The following NVL variants were observed in gnomAD, a reference collection of about 807,000 sequenced individuals.
The protein encoded by NVL is nuclear valosin-containing protein-like.
NVL carries 84 observed loss-of-function variants against 110.2 expected under a neutral mutation model. The ratio of observed to expected loss-of-function variants is 0.76; its 90% CI spans 0.64 to 0.91. The LOEUF (loss-of-function observed/expected upper bound fraction) is 0.91, where lower values mean the gene tolerates loss of function less well. Ranked by LOEUF, NVL falls within the 40% of genes least tolerant of loss-of-function variation. NVL has a pLI of 0.00. For missense variants in NVL, 882 were observed against 1,035.9 expected, an observed-to-expected ratio of 0.85 and a Z score of 2.04; for synonymous variants, 354 against 361.1, an observed-to-expected ratio of 0.98 and a Z score of 0.22.
chr1:224,309,595 A>C (rs1669312159), intron 5 of NVL, among the ~76,000 whole-genome samples: 1 of 152,194 alleles, frequency 6.6e-6, no homozygotes, highest in East Asian at 1.9e-4. Flanking sequence ...AGCAAATTAT[A>C]AATAATTTGA....
chr1:224,238,120 A>G (rs986348960), intron 19 of NVL, among the ~76,000 whole-genome samples: 44 of 150,722 alleles, frequency 2.9e-4, no homozygotes, highest in Admixed American at 1.5e-3. Flanking sequence ...TGCAACCTCC[A>G]CCTCCCGGGC....
At chr1:224,280,365 G>C (rs1359344994) in intron 16 of NVL, among the ~76,000 whole-genome samples, 1 of 151,968 alleles carries the variant, frequency 6.6e-6, no homozygotes, top group East Asian at 1.9e-4. Flanking sequence ...CCAAACTTTA[G>C]CTTGGTATAA....
Position 224,280,966 on chromosome 1 carries a change from C to G in NVL, c.1962+157G>C, listed in dbSNP as rs1470450505. On this transcript the variant is annotated intron_variant, in intron 16 of 22. Coordinates refer to ENST00000281701, the MANE Select transcript of NVL (RefSeq NM_002533.4). ...GAAAGCATTTATACACCCAAAGTGG[C>G]AGAGCAGAGCAAAGCTCAGCCTCCT... Among the ~76,000 whole-genome samples, 3 of 152,156 alleles carry G rather than the reference C, an allele frequency of 2.0e-5. No homozygotes were observed. The East Asian group carries it at 5.8e-4, about 29-fold the overall frequency.
chr1:224,287,146 T>C (rs1170985257), intron 14 of NVL, among the ~76,000 whole-genome samples: 2 of 152,170 alleles, frequency 1.3e-5, no homozygotes, highest in Non-Finnish European at 2.9e-5. Flanking sequence ...GAGGTCATTA[T>C]GTTAGTGAAA....
intron 9 of NVL, 38 bp downstream of exon 9, chr1:224,303,685 A>G: frequency 6.3e-7 from 1 of 1,590,776 alleles, no homozygotes; most frequent in Non-Finnish European, 8.6e-7. Flanking sequence ...TAATAACAAC[A>G]AAAACAGCAA....
rs1295097210 is a variant in NVL, at chr1:224,238,280, G to A, written c.2290-1698C>T. On this transcript the variant is annotated intron_variant, in intron 19 of 22. Transcript: ENST00000281701. ...ACTCCTCAGCTCAAGCGATCTGCCCGCCTTGGCCACCCGAAGTGCTGAGAT... is the reference window on the plus strand; with the variant it reads ...ACTCCTCAGCTCAAGCGATCTGCCCACCTTGGCCACCCGAAGTGCTGAGAT... 8.5e-5 allele frequency among the ~76,000 whole-genome samples: 13 copies of A among 152,122 alleles called. No individual in the cohort carries two copies. In the East Asian group the frequency reaches 1.2e-3, roughly 14 times the overall value.
intron 19 of NVL, among the ~76,000 whole-genome samples, chr1:224,245,272 G>A (rs1291955618): frequency 1.3e-5 from 2 of 152,200 alleles, no homozygotes; most frequent in African/African-American, 2.4e-5. Context: ...AGTCTGCCTT[G>A]TGACTTCTCC....
At chr1:224,282,350 G>C (rs1382454908) in intron 15 of NVL, among the ~76,000 whole-genome samples, 1 of 152,044 alleles carries the variant, frequency 6.6e-6, no homozygotes, top group African/African-American at 2.4e-5. Flanking sequence ...ATATTTATGT[G>C]AACATTTGTT....
At chr1:224,311,737 G>T in intron 5 of NVL, 63 bp downstream of exon 5, 1 of 1,262,770 alleles carries the variant, frequency 7.9e-7, no homozygotes, top group South Asian at 1.2e-5. Flanking sequence ...AGTTTTTCAA[G>T]GGAGGTACCA....
chr1:224,318,550 C>T (rs967915171), intron 2 of NVL, among the ~76,000 whole-genome samples: 7 of 151,862 alleles, frequency 4.6e-5, no homozygotes, highest in South Asian at 2.1e-4. Flanking sequence ...TGCAGTGAGC[C>T]GTGATTGCGC....
At chr1:224,273,778 T>A (rs947375427) in intron 17 of NVL, among the ~76,000 whole-genome samples, 1 of 152,134 alleles carries the variant, frequency 6.6e-6, no homozygotes, top group African/African-American at 2.4e-5. Context: ...TAGCCCACAG[T>A]AGACTTTGGA....
rs571229482 is a variant in NVL, at chr1:224,286,947, T to C, written c.1795-817A>G. Among the ~76,000 whole-genome samples, 27 of 152,308 alleles carry C rather than the reference T, an allele frequency of 1.8e-4. 1 individual carries two copies. The South Asian group carries it at 3.9e-3, about 22-fold the overall frequency. On this transcript the variant is annotated intron_variant, in intron 14 of 22. Coordinates refer to ENST00000281701, the MANE Select transcript of NVL (RefSeq NM_002533.4). ...ATTAAAATTGCCTTGATCCATAAGA[T>C]CAAGTTCAGAAAGTCTTTGTCAAAC...
chr1:224,284,463 C>T (rs943314553), intron 15 of NVL, among the ~76,000 whole-genome samples: 1 of 151,960 alleles, frequency 6.6e-6, no homozygotes. Context: ...GCAGCCTCTG[C>T]CTCTTTGGGT....
At chr1:224,271,997 G>A (rs1258981431) in intron 17 of NVL, among the ~76,000 whole-genome samples, 4 of 151,698 alleles carry the variant, frequency 2.6e-5, no homozygotes, top group Admixed American at 1.3e-4. Context: ...CTGGGCAACA[G>A]AACGAGACTC....
chr1:224,250,619 A>G lies in NVL; in HGVS notation c.2183-301T>C, dbSNP rs951289899. Among the ~76,000 whole-genome samples the G allele has an allele frequency of 4.6e-5, 7 of 152,076 alleles. 1 individual carries two copies. Among genetic ancestry groups the G allele is most frequent in the South Asian group, 2.1e-4 (1 of 4,808 alleles). ...ACAGGTGGTGTCTGGTTACATGAGT[A>G]AGTTATTTGGTGGTGATTTCTGAGA... On this transcript the variant is annotated intron_variant, in intron 18 of 22. Coordinates refer to ENST00000281701, the MANE Select transcript of NVL (RefSeq NM_002533.4).
intron 17 of NVL, among the ~76,000 whole-genome samples, chr1:224,268,669 G>GT (rs1664743125): frequency 6.7e-6 from 1 of 148,316 alleles, no homozygotes; most frequent in South Asian, 2.1e-4. Context: ...TGTTTGTTTT[G>GT]TTTTTTGAGA....
chr1:224,232,174 C>T (rs964515980), intron 21 of NVL: 1 of 151,504 alleles, frequency 6.6e-6, no homozygotes, highest in African/African-American at 2.4e-5. Context: ...TGGTGAAACC[C>T]CGTCTCTACT....
chr1:224,303,442 A>C (rs569835397), intron 9 of NVL, among the ~76,000 whole-genome samples: 3 of 152,268 alleles, frequency 2.0e-5, no homozygotes, highest in African/African-American at 7.2e-5. Context: ...CTCCAAAAAA[A>C]AAAAAACTGT....
At chr1:224,279,955 G>A (rs1666154038) in intron 16 of NVL, among the ~76,000 whole-genome samples, 1 of 152,002 alleles carries the variant, frequency 6.6e-6, no homozygotes, top group African/African-American at 2.4e-5. Context: ...AAGTGCTGGG[G>A]ATTACAGGTG....
Sources: allele counts gnomAD v4.1 joint callset (sites outside exome capture counted in the v4.1 genomes callset), GRCh38; gene constraint gnomAD v4.1.1; transcripts MANE v1.5; gene names NCBI Gene and HGNC (gene_info 2026-07-23, HGNC 2026-07-21).